Variants in ZNF723 observed in about 807,000 individuals in gnomAD.
ZNF723 encodes zinc finger protein 723, also known as zinc finger protein 723, pseudogene.
In ZNF723, 5 loss-of-function variants were observed where a neutral mutation model predicts 9.4. The observed-to-expected ratio is 0.53, with a 90% CI of 0.28 to 1.12. The LOEUF is 1.12. Ranked by LOEUF, ZNF723 falls within the 50% of genes most tolerant of loss-of-function variation. The pLI is 0.10. For missense variants in ZNF723, 450 were observed against 501.5 expected (o/e 0.90, Z 0.98); for synonymous variants, 158 against 168.8 (o/e 0.94, Z 0.49).
chr19:22,831,292 C>T (rs1967090744), upstream of ZNF723, among the ~76,000 whole-genome samples: 1 of 152,154 alleles, frequency 6.6e-6, no homozygotes, highest in Non-Finnish European at 1.5e-5. Context: ...TGCAGTGACT[C>T]ACTCCTGCAA....
chr19:22,835,247 G>A (rs1297148967), intron 1 of ZNF723, among the ~76,000 whole-genome samples: 3 of 151,872 alleles, frequency 2.0e-5, no homozygotes, highest in Admixed American at 6.6e-5. Context: ...TCACCACGTT[G>A]GCCAGGCTGG....
chr19:22,821,882 G>A, the ZNF723 span, among the ~76,000 whole-genome samples: 1 of 152,314 alleles, frequency 6.6e-6, no homozygotes, highest in South Asian at 2.1e-4. Context: ...GCCAAGGCGG[G>A]TGGATCACCT....
intron 3 of ZNF723, among the ~76,000 whole-genome samples, chr19:22,856,865 A>C (rs1372671533): frequency 6.6e-6 from 1 of 152,202 alleles, no homozygotes; most frequent in Non-Finnish European, 1.5e-5. Context: ...TTTTGGGTAG[A>C]TGCAATAAAC....
At chr19:22,813,736 G>A in the ZNF723 span, among the ~76,000 whole-genome samples, 4 of 151,816 alleles carry the variant, frequency 2.6e-5, no homozygotes, top group African/African-American at 4.8e-5. Context: ...GTGAGACTCC[G>A]TCTCAAAAAC....
At chr19:22,830,457 C>T (rs139771391), upstream of ZNF723, among the ~76,000 whole-genome samples, 156 of 152,112 alleles carry the variant, frequency 1.0e-3, no homozygotes, top group African/African-American at 3.6e-3. Flanking sequence ...TGTGAGGCGC[C>T]GTGTGCTTCT....
chr19:22,855,607 C>A (rs1967466484), intron 3 of ZNF723, among the ~76,000 whole-genome samples: 1 of 152,108 alleles, frequency 6.6e-6, no homozygotes, highest in Non-Finnish European at 1.5e-5. Flanking sequence ...ACATGCAGTG[C>A]CAATATACTT....
chr19:22,832,419 A>G, intron 1 of ZNF723, 37 bp downstream of exon 1: 2 of 1,362,336 alleles, frequency 1.5e-6, no homozygotes, highest in East Asian at 2.6e-5. Context: ...AGAGAGGGGA[A>G]GGGCTGGTTG....
upstream of ZNF723, among the ~76,000 whole-genome samples, chr19:22,828,580 G>T (rs1014842289): frequency 2.6e-5 from 4 of 152,124 alleles, no homozygotes; most frequent in Non-Finnish European, 4.4e-5. Flanking sequence ...TTGAACCCAG[G>T]AGGCAGAGGT....
chr19:22,835,576 G>A (rs114213335), intron 1 of ZNF723, among the ~76,000 whole-genome samples: 3,355 of 152,122 alleles, frequency 0.022, 125 homozygotes, highest in African/African-American at 0.075. Context: ...AACTTCTCAG[G>A]TGTGTTTTTA....
intron 3 of ZNF723, among the ~76,000 whole-genome samples, chr19:22,851,615 CTT>C (rs1403349808): frequency 6.6e-6 from 1 of 152,162 alleles, no homozygotes; most frequent in Admixed American, 6.6e-5. Context: ...ATCTGACTGT[CTT>C]TGCCTCCTAA....
chr19:22,842,408 AT>A (rs1283524037), intron 1 of ZNF723, among the ~76,000 whole-genome samples: 2 of 152,176 alleles, frequency 1.3e-5, no homozygotes, highest in African/African-American at 2.4e-5. Flanking sequence ...CATACTCTAA[AT>A]TTTAATGATG....
chr19:22,835,658 T>C (rs1374163224), intron 1 of ZNF723, among the ~76,000 whole-genome samples: 1 of 152,192 alleles, frequency 6.6e-6, no homozygotes, highest in African/African-American at 2.4e-5. Flanking sequence ...GGGAAATCTC[T>C]CTTTTATTTT....
chr19:22,821,318 G>T, the ZNF723 span, among the ~76,000 whole-genome samples: 3 of 152,076 alleles, frequency 2.0e-5, no homozygotes. Context: ...ACACATGCCT[G>T]GTGCAAGCAT....
intron 2 of ZNF723, 141 bp downstream of exon 2, chr19:22,848,528 G>A (rs889374988): frequency 1.5e-5 from 11 of 710,218 alleles, no homozygotes; most frequent in Non-Finnish European, 2.5e-5. Context: ...GAATTTGTCA[G>A]TGTAGAAAAG....
chr19:22,816,998 GGCTGT>G, the ZNF723 span, among the ~76,000 whole-genome samples: 10 of 152,152 alleles, frequency 6.6e-5, no homozygotes, highest in African/African-American at 2.2e-4. Context: ...CCACTGCTTG[GGCTGT>G]GCCCAATGAG....
At chr19:22,844,797 C>T (rs1243298404) in intron 1 of ZNF723, among the ~76,000 whole-genome samples, 1 of 152,158 alleles carries the variant, frequency 6.6e-6, no homozygotes, top group Non-Finnish European at 1.5e-5. Context: ...CCAGGGGGAG[C>T]ATCATCAGCA....
chr19:22,856,000 C>T (rs550554872), intron 3 of ZNF723, among the ~76,000 whole-genome samples: 1 of 152,150 alleles, frequency 6.6e-6, no homozygotes, highest in Admixed American at 6.5e-5. Context: ...GCTCTTGTCT[C>T]CCAGGCTGGA....
the ZNF723 span, among the ~76,000 whole-genome samples, chr19:22,816,793 T>G: frequency 6.6e-6 from 1 of 152,374 alleles, no homozygotes; most frequent in South Asian, 2.1e-4. Context: ...TTTGCCCACA[T>G]GGGCCATTGT....
chr19:22,838,411 G>A (rs1487467267), intron 1 of ZNF723, among the ~76,000 whole-genome samples: 2 of 152,050 alleles, frequency 1.3e-5, no homozygotes, highest in Non-Finnish European at 2.9e-5. Context: ...AATTAGCCGG[G>A]CGTGGTGGCA....
Sources: gnomAD v4.1 joint callset for allele counts (sites outside exome capture counted in the v4.1 genomes callset) on GRCh38, gnomAD v4.1.1 for gene constraint, MANE v1.5 for transcripts, NCBI Gene and HGNC (gene_info 2026-07-23, HGNC 2026-07-21) for gene names.